The following CHST6 variants were observed in gnomAD, a reference collection of about 807,000 sequenced individuals.
CHST6 encodes the protein carbohydrate sulfotransferase 6, also known as N-acetylglucosamine 6-O-sulfotransferase 5.
For missense variants in CHST6, 698 were observed against 586.2 expected (o/e 1.19, Z -1.97); for synonymous variants, 309 against 276.4 (o/e 1.12, Z -1.17).
At position 75,477,467 on chromosome 16, in the gene CHST6, T is replaced by C. The variant is rs973955124; in HGVS notation, c.*1174A>G. The C allele has an allele frequency of 6.6e-6, 1 of 152,330 alleles. No homozygotes were observed. Among genetic ancestry groups the C allele is most frequent in the Non-Finnish European group, 1.5e-5 (1 of 68,032 alleles). The allele number at this position is 152,330 out of a possible 1,614,324, so 9.4% of individuals were successfully genotyped here. A position where few individuals can be genotyped will look rare whatever the true frequency, so the allele number is the denominator to read the frequency against. On this transcript the variant is annotated 3_prime_UTR_variant, in exon 3 of 3. Coordinates refer to ENST00000332272, the MANE Select transcript of CHST6 (RefSeq NM_021615.5). ...CAGGTAACAGGGTCAGAAGTTCTGT[T>C]GGCAGCCAACACAGTTCCCAGACCA...
In CHST6 at chr16:75,477,288, C is replaced by T. The variant is rs1360680041; in HGVS notation, c.*1353G>A. ...CCACGTAAAGCAGAAAATGCCAGATCTCCCTTGCCCTGCTTGCTTTGCAGG... is the reference window on the plus strand; with the variant it reads ...CCACGTAAAGCAGAAAATGCCAGATTTCCCTTGCCCTGCTTGCTTTGCAGG... On this transcript the variant is annotated 3_prime_UTR_variant, in exon 3 of 3. Coordinates refer to ENST00000332272, the MANE Select transcript of CHST6 (RefSeq NM_021615.5). The T allele has an allele frequency of 6.6e-6, 1 of 152,206 alleles. No homozygotes were observed. The highest frequency in any genetic ancestry group is 2.4e-5 in the African/African-American group (1 of 41,442). The allele number at this position is 152,206 out of a possible 1,614,324, so 9.4% of individuals were successfully genotyped here.
intron 1 of CHST6, among the ~76,000 whole-genome samples, chr16:75,485,231 A>G (rs989636766): frequency 2.0e-5 from 3 of 152,244 alleles, no homozygotes; most frequent in Admixed American, 6.5e-5. Context: ...CTTAAGTCAC[A>G]GAAACTTTTT....
Position 75,476,560 on chromosome 16 carries a change from C to CAAAAAA in CHST6, c.*2075_*2080dup, listed in dbSNP as rs36092135. On this transcript the variant is annotated 3_prime_UTR_variant, in exon 3 of 3. Coordinates refer to ENST00000332272, the MANE Select transcript of CHST6 (RefSeq NM_021615.5). ...TGGGCGACAGAGCCAGACTCCATCT[C>CAAAAAA]AAAAAAAAAAAAAAAAAAAAAAAAA... is the stretch of plus-strand genomic sequence containing the variant. 1 of 39,734 alleles carries CAAAAAA rather than the reference C, an allele frequency of 2.5e-5. No individual in the cohort carries two copies. Among genetic ancestry groups the CAAAAAA allele is most frequent in the African/African-American group, 1.0e-4 (1 of 9,764 alleles). 2.5% of individuals were successfully genotyped at this position (39,734 alleles called of 1,614,324 possible).
intron 1 of CHST6, among the ~76,000 whole-genome samples, chr16:75,491,805 A>G (rs1208517262): frequency 6.6e-6 from 1 of 152,234 alleles, no homozygotes; most frequent in Non-Finnish European, 1.5e-5. Context: ...TCCAGCTATC[A>G]CTGCAGAGAG....
In CHST6 at chr16:75,479,098, T is replaced by C. The variant is rs1282637929; in HGVS notation, c.731A>G (p.Glu244Gly). The C allele has an allele frequency of 1.9e-6, 3 of 1,604,938 alleles. No homozygotes were observed. The highest frequency in any genetic ancestry group is 1.3e-5 in the African/African-American group (1 of 74,842). The change falls in exon 3 of 3, where the codon GAG becomes GGG. Residue 244 changes from glutamate (E) to glycine (G), a missense_variant. Glu to Gly is a moderately conservative substitution (Grantham distance 98). Transcript: ENST00000332272. The part of the protein sequence containing the change: ...EADPGLRVVR[E>G]VCRSHVRIAE... The stretch of plus-strand genomic sequence containing the variant: ...GATGCGTACGTGGCTACGGCACACC[T>C]CGCGCACCACGCGCAGGCCGGGGTC...
chr16:75,494,097 G>A (rs2080285056), intron 1 of CHST6, among the ~76,000 whole-genome samples: 3 of 151,924 alleles, frequency 2.0e-5, no homozygotes, highest in South Asian at 4.2e-4. Context: ...CACCTGCCTC[G>A]GCCTCCCAAA....
chr16:75,489,631 T>C (rs1235200158), intron 1 of CHST6, among the ~76,000 whole-genome samples: 2 of 151,920 alleles, frequency 1.3e-5, no homozygotes, highest in African/African-American at 4.8e-5. Context: ...GTGTTAAAAA[T>C]ACACGAATAT....
chr16:75,478,780 G>A lies in CHST6; in HGVS notation c.1049C>T (p.Ala350Val), dbSNP rs373710911. ...AKIRRVQELC[A>V]GALQLLGYRP... ...GTAGCCCAGCAGCTGCAGCGCACCAGCGCACAGTTCCTGCACGCGGCGGAT... is the reference window on the plus strand; with the variant it reads ...GTAGCCCAGCAGCTGCAGCGCACCAACGCACAGTTCCTGCACGCGGCGGAT... Residue 350 changes from alanine (A) to valine (V), a missense_variant, in exon 3 of 3, where the codon GCT becomes GTT. Transcript: ENST00000332272. 8 of 1,613,400 alleles carry A rather than the reference G, an allele frequency of 5.0e-6. No individual in the cohort carries two copies. In the South Asian group the frequency reaches 8.8e-5, roughly 18 times the overall value.
At chr16:75,481,713 C>T (rs563099684) in intron 2 of CHST6, 104 bp downstream of exon 2, 6 of 413,068 alleles carry the variant, frequency 1.5e-5, no homozygotes, top group South Asian at 9.4e-5. Flanking sequence ...TGTCCTGGAG[C>T]CCTGTGGGTT....
At chr16:75,479,899 C>CCCCA in intron 2 of CHST6, 55 bp from the exon 3 acceptor site, 1 of 1,455,544 alleles carries the variant, frequency 6.9e-7, no homozygotes, top group South Asian at 1.2e-5. Flanking sequence ...CCATCCCGTA[C>CCCCA]CCCACTGCCC....
At position 75,474,151 on chromosome 16, in the gene CHST6, G is replaced by C. The variant is rs1320767152; in HGVS notation, c.*4490C>G. The C allele has an allele frequency of 1.3e-5, 2 of 152,368 alleles. No individual in the cohort carries two copies. Among genetic ancestry groups the C allele is most frequent in the Non-Finnish European group, 2.9e-5 (2 of 68,178 alleles). 9.4% of individuals were successfully genotyped at this position (152,368 alleles called of 1,614,324 possible). A position where few individuals can be genotyped will look rare whatever the true frequency, so the allele number is the denominator to read the frequency against. The stretch of plus-strand genomic sequence containing the variant: ...GATGGCGCCACTGCACTCCAGCCTG[G>C]GGGACAAGAGCAAGACTCTGCCTCA... On this transcript the variant is annotated 3_prime_UTR_variant, in exon 3 of 3. Coordinates refer to ENST00000332272, the MANE Select transcript of CHST6 (RefSeq NM_021615.5).
chr16:75,493,974 A>G (rs2080283876), intron 1 of CHST6, among the ~76,000 whole-genome samples: 1 of 152,084 alleles, frequency 6.6e-6, no homozygotes, highest in African/African-American at 2.4e-5. Context: ...CCTCCCAAGT[A>G]GCTGGGATTA....
chr16:75,478,938 T>C lies in CHST6; in HGVS notation c.891A>G (p.Pro297=). The part of the protein sequence containing the change: ...LYAFTGLSLT[P]QLEAWIHNIT... ...TGTTATGGATCCAGGCCTCGAGCTG[T>C]GGCGTGAGACTGAGCCCAGTGAAGG... The change falls in exon 3 of 3, where the codon CCA becomes CCG. Residue 297 remains proline, a synonymous_variant. Transcript: ENST00000332272. 6.2e-7 allele frequency: 1 copy of C among 1,613,102 alleles called. No homozygotes were observed. The highest frequency in any genetic ancestry group is 8.5e-7 in the Non-Finnish European group (1 of 1,179,960).
chr16:75,494,602 C>G (rs970999918), intron 1 of CHST6, among the ~76,000 whole-genome samples: 9 of 152,176 alleles, frequency 5.9e-5, no homozygotes, highest in African/African-American at 2.2e-4. Context: ...CAAATCAACC[C>G]GCCAAGCTAC....
chr16:75,491,207 AT>A (rs2080253172), intron 1 of CHST6, among the ~76,000 whole-genome samples: 1 of 130,964 alleles, frequency 7.6e-6, no homozygotes, highest in African/African-American at 2.8e-5. Context: ...ATATATATAT[AT>A]ATATATATAT....
intron 1 of CHST6, among the ~76,000 whole-genome samples, chr16:75,491,190 AAT>A (rs1555501738): frequency 0.063 from 3,133 of 49,844 alleles, 213 homozygotes; most frequent in South Asian, 0.074. Context: ...AAAAAAAAAA[AAT>A]ATATATATAT....
At chr16:75,492,136 T>A (rs1471235802) in intron 1 of CHST6, among the ~76,000 whole-genome samples, 1 of 152,236 alleles carries the variant, frequency 6.6e-6, no homozygotes, top group Non-Finnish European at 1.5e-5. Flanking sequence ...GAATTCTAAT[T>A]AGCCTGGGAA....
intron 1 of CHST6, among the ~76,000 whole-genome samples, chr16:75,482,953 C>T (rs552184047): frequency 1.6e-3 from 249 of 152,344 alleles, no homozygotes; most frequent in Middle Eastern, 3.4e-3. Flanking sequence ...ACATGATCAA[C>T]GCTCCTCCAG....
chr16:75,475,402 G>C lies in CHST6; in HGVS notation c.*3239C>G, dbSNP rs2080056310. The C allele has an allele frequency of 8.7e-6, 1 of 115,330 alleles. No individual in the cohort carries two copies. The highest frequency in any genetic ancestry group is 1.9e-5 in the Non-Finnish European group (1 of 52,672). The allele number at this position is 115,330 out of a possible 1,614,324, so 7.1% of individuals were successfully genotyped here. On this transcript the variant is annotated 3_prime_UTR_variant, in exon 3 of 3. Transcript: ENST00000332272. ...TCTACTTCTTGATGGCAGGAGCCAT[G>C]GTCACACAGCACAGAGTGTCAACAC...
Sources: gnomAD v4.1 joint callset for allele counts (sites outside exome capture counted in the v4.1 genomes callset) on GRCh38, gnomAD v4.1.1 for gene constraint, MANE v1.5 for transcripts, NCBI Gene and HGNC (gene_info 2026-07-23, HGNC 2026-07-21) for gene names.